THSD7B: variants seen among roughly 807,000 people sequenced by gnomAD.
The protein encoded by THSD7B is thrombospondin type-1 domain-containing protein 7B.
In THSD7B, 138 loss-of-function variants were observed where a neutral mutation model predicts 213.6. The observed-to-expected ratio is 0.65, with a 90% CI of 0.56 to 0.74. The LOEUF (loss-of-function observed/expected upper bound fraction) is 0.74. Ranked by LOEUF, THSD7B falls within the 30% of genes least tolerant of loss-of-function variation. The probability of loss-of-function intolerance (pLI) is 0.00; values close to 1 mark genes in which losing one functional copy is unlikely to be tolerated. For synonymous variants in THSD7B, 742 were observed against 687.0 expected, an observed-to-expected ratio of 1.08 and a Z score of -1.25; for missense variants, 1,931 against 1,991.5, an observed-to-expected ratio of 0.97 and a Z score of 0.58.
chr2:136,964,714 C>T (rs771228396), intron 2 of THSD7B, among the ~76,000 whole-genome samples: 10 of 152,020 alleles, frequency 6.6e-5, no homozygotes, highest in Non-Finnish European at 1.2e-4. Context: ...ATGTAGCAAA[C>T]CTGCTTAGCT....
At chr2:137,174,251 C>T (rs373214675) in intron 7 of THSD7B, among the ~76,000 whole-genome samples, 33 of 152,188 alleles carry the variant, frequency 2.2e-4, no homozygotes, top group African/African-American at 7.5e-4. Context: ...GTATCTATGT[C>T]CCATTCAAAT....
At chr2:136,794,316 T>C (rs1682022634) in intron 1 of THSD7B, among the ~76,000 whole-genome samples, 1 of 151,830 alleles carries the variant, frequency 6.6e-6, no homozygotes, top group East Asian at 1.9e-4. Context: ...CTTTTACCTT[T>C]ATACTTTTCT....
At chr2:137,041,228 C>T (rs1686876672) in intron 2 of THSD7B, among the ~76,000 whole-genome samples, 1 of 152,090 alleles carries the variant, frequency 6.6e-6, no homozygotes, top group African/African-American at 2.4e-5. Flanking sequence ...TCAGTACTTT[C>T]CTGTTTGTAT....
chr2:137,423,588 A>G (rs897196682), intron 14 of THSD7B, among the ~76,000 whole-genome samples: 19 of 152,196 alleles, frequency 1.2e-4, no homozygotes, highest in African/African-American at 4.3e-4. Context: ...AACGAAAGAA[A>G]CTTATTATAC....
chr2:137,116,474 C>T, intron 5 of THSD7B, among the ~76,000 whole-genome samples: 1 of 152,114 alleles, frequency 6.6e-6, no homozygotes, highest in East Asian at 1.9e-4. Context: ...CTTTCCATTC[C>T]AGCTCCTCTC....
intron 15 of THSD7B, among the ~76,000 whole-genome samples, chr2:137,462,723 G>C (rs1340464921): frequency 6.6e-6 from 1 of 151,666 alleles, no homozygotes; most frequent in Non-Finnish European, 1.5e-5. Flanking sequence ...AGGTTGACAA[G>C]ATTGGCTGTT....
At chr2:137,575,961 T>G (rs1395014387) in intron 17 of THSD7B, among the ~76,000 whole-genome samples, 4 of 152,046 alleles carry the variant, frequency 2.6e-5, no homozygotes, top group African/African-American at 4.8e-5. Flanking sequence ...ACCTAACTAA[T>G]TTTTTCCAGT....
chr2:136,985,922 A>G (rs551515479), intron 2 of THSD7B, among the ~76,000 whole-genome samples: 1 of 152,340 alleles, frequency 6.6e-6, no homozygotes, highest in South Asian at 2.1e-4. Context: ...TGGTACATGG[A>G]GTCAAAGGAG....
At chr2:137,612,636 C>T (rs528778295) in intron 17 of THSD7B, among the ~76,000 whole-genome samples, 2 of 152,196 alleles carry the variant, frequency 1.3e-5, no homozygotes, top group African/African-American at 4.8e-5. Flanking sequence ...TGCAAAAAAT[C>T]CTTGTTTAGC....
intron 4 of THSD7B, among the ~76,000 whole-genome samples, chr2:137,109,601 T>C (rs1688311514): frequency 6.6e-6 from 1 of 152,150 alleles, no homozygotes; most frequent in Non-Finnish European, 1.5e-5. Context: ...GAGATTCTCA[T>C]AAGGAGCGCG....
chr2:137,186,210 G>T (rs1018705187), intron 7 of THSD7B, among the ~76,000 whole-genome samples: 5 of 152,006 alleles, frequency 3.3e-5, no homozygotes, highest in African/African-American at 1.2e-4. Context: ...AGTTTTTCTT[G>T]CTGTGCAGAA....
rs187208755 is a variant in THSD7B, at chr2:137,322,686, G to A, written c.2500+46660G>A. Among the ~76,000 whole-genome samples, 432 of 152,224 alleles carry A rather than the reference G, an allele frequency of 2.8e-3. 12 individuals carry two copies. Among genetic ancestry groups the A allele is most frequent in the Admixed American group, 0.026 (402 of 15,270 alleles). ...TTAAAGCTAACACAAAAGCAGATTT[G>A]ACCTTCAGCTGAGATTTGATTAGAC... On this transcript the variant is annotated intron_variant, in intron 12 of 27. Transcript: ENST00000409968.
intron 1 of THSD7B, among the ~76,000 whole-genome samples, chr2:136,767,792 A>G (rs1356833228): frequency 1.3e-5 from 2 of 152,168 alleles, no homozygotes; most frequent in Non-Finnish European, 2.9e-5. Context: ...AGGGCTGTCT[A>G]CTGTTGGTGG....
intron 7 of THSD7B, among the ~76,000 whole-genome samples, chr2:137,210,751 T>A (rs1681085190): frequency 1.3e-5 from 2 of 152,032 alleles, no homozygotes; most frequent in Admixed American, 6.6e-5. Context: ...GACATTTCTC[T>A]TGTACAACTT....
At chr2:137,190,248 G>A (rs550640432) in intron 7 of THSD7B, among the ~76,000 whole-genome samples, 18 of 152,272 alleles carry the variant, frequency 1.2e-4, no homozygotes, top group African/African-American at 4.3e-4. Context: ...AAGACTACAT[G>A]AGACAATGTA....
chr2:137,659,974 AC>A (rs2104820565), intron 25 of THSD7B, among the ~76,000 whole-genome samples: 1 of 152,126 alleles, frequency 6.6e-6, no homozygotes, highest in East Asian at 1.9e-4. Context: ...TCTTTCAAAT[AC>A]CTAATTTATG....
intron 3 of THSD7B, among the ~76,000 whole-genome samples, chr2:137,075,056 T>A (rs1042628857): frequency 3.9e-5 from 6 of 152,212 alleles, no homozygotes; most frequent in Non-Finnish European, 5.9e-5. Context: ...ATCTGACAAT[T>A]ATGTGTCTTG....
intron 2 of THSD7B, among the ~76,000 whole-genome samples, chr2:136,962,422 T>C (rs1685236137): frequency 6.7e-6 from 1 of 149,366 alleles, no homozygotes; most frequent in Admixed American, 6.7e-5. Context: ...TTTTTTTTTT[T>C]TTTTTTACAA....
At chr2:137,536,896 T>C (rs2105186919) in intron 15 of THSD7B, among the ~76,000 whole-genome samples, 1 of 151,856 alleles carries the variant, frequency 6.6e-6, no homozygotes, top group African/African-American at 2.4e-5. Flanking sequence ...AGTGAGAGAA[T>C]TTTGGTCTTT....
Sources: gnomAD v4.1 joint callset for allele counts (sites outside exome capture counted in the v4.1 genomes callset) on GRCh38, gnomAD v4.1.1 for gene constraint, MANE v1.5 for transcripts, NCBI Gene and HGNC (gene_info 2026-07-23, HGNC 2026-07-21) for gene names.